The following AMD1 variants were observed in gnomAD, a reference collection of about 807,000 sequenced individuals.
AMD1 encodes the protein adenosylmethionine decarboxylase 1, also known as S-adenosylmethionine decarboxylase proenzyme.
In AMD1, 11 loss-of-function variants were observed where a neutral mutation model predicts 40.2. The ratio of observed to expected loss-of-function variants is 0.27; its 90% CI spans 0.17 to 0.45. The LOEUF is 0.45. Among genes scored for constraint, AMD1 ranks in the 20% least tolerant of loss-of-function variants. The probability of loss-of-function intolerance (pLI) is 1.00; values close to 1 mark genes in which losing one functional copy is unlikely to be tolerated. For synonymous variants in AMD1, 121 were observed against 130.8 expected (o/e 0.93, Z 0.51); for missense variants, 257 against 410.2 (o/e 0.63, Z 3.23).
chr6:110,815,154 G>A, the AMD1 span: 2 of 1,572,620 alleles, frequency 1.3e-6, no homozygotes, highest in Non-Finnish European at 8.6e-7. Flanking sequence ...TTCCCCCATA[G>A]AGGCACGGGA....
chr6:110,815,707 C>G, the AMD1 span: 1 of 152,610 alleles, frequency 6.6e-6, no homozygotes, highest in Non-Finnish European at 1.5e-5. Flanking sequence ...TTCTGCGGTT[C>G]TCGGGGAGAC....
At chr6:110,816,076 T>G in the AMD1 span, 1 of 152,310 alleles carries the variant, frequency 6.6e-6, no homozygotes, top group South Asian at 2.1e-4. Context: ...AAAACCGTAT[T>G]TCAAAAACTG....
chr6:110,849,355 G>A, the AMD1 span, among the ~76,000 whole-genome samples: 1 of 152,230 alleles, frequency 6.6e-6, no homozygotes, highest in Non-Finnish European at 1.5e-5. Context: ...AAAGATTCTT[G>A]GTGAATTTTG....
At chr6:110,866,618 G>A in the AMD1 span, among the ~76,000 whole-genome samples, 3 of 152,126 alleles carry the variant, frequency 2.0e-5, no homozygotes, top group Admixed American at 6.6e-5. Flanking sequence ...CTATGTTCAG[G>A]TGTAGTTACA....
At chr6:110,839,652 GT>G in the AMD1 span, among the ~76,000 whole-genome samples, 1 of 152,244 alleles carries the variant, frequency 6.6e-6, no homozygotes, top group East Asian at 1.9e-4. Context: ...ATAAACAAAT[GT>G]TTTATGTATT....
intron 3 of AMD1, 159 bp from the exon 4 acceptor site, chr6:110,890,095 C>A: frequency 1.8e-6 from 1 of 550,452 alleles, no homozygotes; most frequent in African/African-American, 2.0e-5. Flanking sequence ...CTCCTAATAG[C>A]GAGACTACAG....
the AMD1 span, among the ~76,000 whole-genome samples, chr6:110,849,246 G>A: frequency 6.6e-6 from 1 of 152,138 alleles, no homozygotes; most frequent in Non-Finnish European, 1.5e-5. Flanking sequence ...AATATGATTT[G>A]AACTCATTCA....
the AMD1 span, among the ~76,000 whole-genome samples, chr6:110,830,786 C>T: frequency 2.6e-5 from 4 of 152,176 alleles, no homozygotes; most frequent in South Asian, 2.1e-4. Flanking sequence ...CAGTTTGGGG[C>T]TCATCTGCTC....
At chr6:110,829,584 G>A in the AMD1 span, among the ~76,000 whole-genome samples, 1 of 151,634 alleles carries the variant, frequency 6.6e-6, no homozygotes, top group Non-Finnish European at 1.5e-5. Context: ...CAGGAGAATG[G>A]CGTGAACCCA....
At chr6:110,869,036 G>A in the AMD1 span, among the ~76,000 whole-genome samples, 4 of 150,684 alleles carry the variant, frequency 2.7e-5, no homozygotes, top group African/African-American at 7.3e-5. Flanking sequence ...TCCAGCCTGG[G>A]CAATAAGAGC....
At chr6:110,849,000 T>C in the AMD1 span, among the ~76,000 whole-genome samples, 1 of 152,176 alleles carries the variant, frequency 6.6e-6, no homozygotes, top group Non-Finnish European at 1.5e-5. Flanking sequence ...AGACAGACCC[T>C]GTCTCTTAAT....
the AMD1 span, among the ~76,000 whole-genome samples, chr6:110,827,839 C>T: frequency 6.6e-6 from 1 of 151,080 alleles, no homozygotes; most frequent in African/African-American, 2.4e-5. Context: ...TATTACTCTA[C>T]TCTGATGGTG....
chr6:110,878,921 C>T (rs910263823), intron 1 of AMD1, among the ~76,000 whole-genome samples: 2 of 152,158 alleles, frequency 1.3e-5, no homozygotes, highest in African/African-American at 4.8e-5. Flanking sequence ...TTGACTACAT[C>T]ATTATGCAGC....
the AMD1 span, among the ~76,000 whole-genome samples, chr6:110,855,065 CTTTT>C: frequency 1.4e-4 from 11 of 80,464 alleles, 1 homozygote; most frequent in East Asian, 1.0e-3. Flanking sequence ...CTCTCTCTCT[CTTTT>C]TTTTTTTTTT....
the AMD1 span, among the ~76,000 whole-genome samples, chr6:110,852,139 A>G: frequency 7.0e-6 from 1 of 142,160 alleles, no homozygotes. Flanking sequence ...TGCATCCTCA[A>G]CCTCCCAGCC....
At chr6:110,850,343 G>A in the AMD1 span, among the ~76,000 whole-genome samples, 9 of 152,144 alleles carry the variant, frequency 5.9e-5, no homozygotes, top group Non-Finnish European at 1.2e-4. Context: ...GGACTCAGGC[G>A]AAGCTGGGAA....
intron 1 of AMD1, 85 bp from the exon 2 acceptor site, chr6:110,887,420 C>T (rs1785759158): frequency 6.5e-6 from 6 of 916,548 alleles, no homozygotes; most frequent in Non-Finnish European, 9.9e-6. Context: ...ATGTGGTCTT[C>T]ATGAGAAAAA....
At chr6:110,862,228 T>A in the AMD1 span, among the ~76,000 whole-genome samples, 1 of 151,826 alleles carries the variant, frequency 6.6e-6, no homozygotes, top group Non-Finnish European at 1.5e-5. Flanking sequence ...CAGTCTCCAA[T>A]TTTTAAAAAA....
chr6:110,883,961 T>C (rs926740359), intron 1 of AMD1, among the ~76,000 whole-genome samples: 1 of 152,150 alleles, frequency 6.6e-6, no homozygotes, highest in Non-Finnish European at 1.5e-5. Flanking sequence ...TCAGGCATTG[T>C]CAGAGAGATT....
Sources: gnomAD v4.1 joint callset for allele counts (sites outside exome capture counted in the v4.1 genomes callset) on GRCh38, gnomAD v4.1.1 for gene constraint, MANE v1.5 for transcripts, NCBI Gene and HGNC (gene_info 2026-07-23, HGNC 2026-07-21) for gene names.